The following ANK2 variants were observed in gnomAD, a reference collection of about 807,000 sequenced individuals.
ANK2 encodes the protein ankyrin 2, also known as ankyrin-2.
Under a neutral mutation model 360.5 loss-of-function variants are expected in ANK2, and 83 were observed. That is an observed-to-expected ratio of 0.23 (90% CI 0.19 to 0.28). ANK2 has a LOEUF of 0.28. Ranked by LOEUF, ANK2 falls within the 10% of genes least tolerant of loss-of-function variation. The pLI, the probability that ANK2 is intolerant of heterozygous loss-of-function variation, is 1.00. For missense variants in ANK2, 4,201 were observed against 4,795.7 expected (o/e 0.88, Z 3.66); for synonymous variants, 1,740 against 1,759.5 (o/e 0.99, Z 0.28).
In ANK2 at chr4:113,383,555, GAGA is replaced by G. The variant is rs1242094570; in HGVS notation, c.*2090_*2092del. Reference sequence around the variant, plus strand: ...GTGTTATCAAAAACTTGAATACTGTGAGAAGAAGTGAATTTTCAGTTGACGAAT... The same window carrying G: ...GTGTTATCAAAAACTTGAATACTGTGAGAAGTGAATTTTCAGTTGACGAAT... On this transcript the variant is annotated 3_prime_UTR_variant, in exon 46 of 46. Coordinates refer to ENST00000357077, the MANE Select transcript of ANK2 (RefSeq NM_001148.6). 7 of 152,544 alleles carry G rather than the reference GAGA, an allele frequency of 4.6e-5. No homozygotes were observed. The highest frequency in any genetic ancestry group is 1.0e-4 in the Non-Finnish European group (7 of 68,012). The allele number at this position is 152,544 out of a possible 1,614,324, so 9.4% of individuals were successfully genotyped here.
At chr4:112,810,182 T>TTTG in the ANK2 span, among the ~76,000 whole-genome samples, 11 of 111,788 alleles carry the variant, frequency 9.8e-5, no homozygotes, top group African/African-American at 3.7e-4. Flanking sequence ...TTTTTTTTTT[T>TTTG]GTAGCAATGG....
chr4:112,877,683 TG>T (rs1416740669), intron 1 of ANK2, among the ~76,000 whole-genome samples: 1 of 152,160 alleles, frequency 6.6e-6, no homozygotes, highest in Non-Finnish European at 1.5e-5. Flanking sequence ...TCATGGGGAC[TG>T]GGGCCCTATG....
At chr4:112,909,453 A>AT (rs2086346923) in intron 2 of ANK2, among the ~76,000 whole-genome samples, 1 of 152,194 alleles carries the variant, frequency 6.6e-6, no homozygotes, top group African/African-American at 2.4e-5. Flanking sequence ...TCTAAACTTA[A>AT]TAGATATCTT....
chr4:113,176,065 A>G (rs2098186475), intron 2 of ANK2, among the ~76,000 whole-genome samples: 1 of 152,214 alleles, frequency 6.6e-6, no homozygotes, highest in Non-Finnish European at 1.5e-5. Flanking sequence ...CTAGCTACAA[A>G]GCAGGCCTGT....
At chr4:113,288,545 G>A (rs1451898701) in intron 20 of ANK2, 59 bp downstream of exon 20, 12 of 1,395,340 alleles carry the variant, frequency 8.6e-6, no homozygotes, top group Non-Finnish European at 1.2e-5. Context: ...CCATCTGGAT[G>A]CTTCACTAGT....
the ANK2 span, among the ~76,000 whole-genome samples, chr4:112,800,034 A>G: frequency 6.6e-6 from 1 of 152,156 alleles, no homozygotes; most frequent in Non-Finnish European, 1.5e-5. Flanking sequence ...CTAGGAAGCA[A>G]TATAACACAG....
At chr4:113,318,740 T>A in intron 26 of ANK2, 120 bp downstream of exon 26, 1 of 793,692 alleles carries the variant, frequency 1.3e-6, no homozygotes. Context: ...GCCCTTTGTT[T>A]AAACTTGTAA....
At chr4:113,202,071 T>C (rs2098837468) in intron 4 of ANK2, among the ~76,000 whole-genome samples, 1 of 152,178 alleles carries the variant, frequency 6.6e-6, no homozygotes, top group Admixed American at 6.5e-5. Flanking sequence ...TTTTTCTAAG[T>C]CTTTTGATAA....
intron 1 of ANK2, among the ~76,000 whole-genome samples, chr4:113,120,577 A>G (rs2095283959): frequency 6.6e-6 from 1 of 152,146 alleles, no homozygotes; most frequent in Non-Finnish European, 1.5e-5. Context: ...CTTGAAAGTA[A>G]AACATATATT....
rs539232865 is a variant in ANK2 at position 113,254,598 on chromosome 4, A to T, written c.991-1137A>T. On this transcript the variant is annotated intron_variant, in intron 10 of 45. Transcript: ENST00000357077. ...GCTGTTTTCTAAACTTATTTAATGA[A>T]CTTCTAAACATGAAAGTAATAATTA... is the stretch of plus-strand genomic sequence containing the variant. Among the ~76,000 whole-genome samples the T allele has an allele frequency of 8.5e-5, 13 of 152,332 alleles. No homozygotes were observed. The South Asian group carries it at 2.5e-3, about 29-fold the overall frequency.
intron 22 of ANK2, among the ~76,000 whole-genome samples, chr4:113,296,964 A>G (rs908211964): frequency 6.6e-6 from 1 of 152,218 alleles, no homozygotes; most frequent in African/African-American, 2.4e-5. Context: ...TAAAATAAAA[A>G]TATTATCTTA....
chr4:113,131,166 G>A (rs967218035), intron 1 of ANK2, among the ~76,000 whole-genome samples: 2 of 152,116 alleles, frequency 1.3e-5, no homozygotes, highest in African/African-American at 4.8e-5. Context: ...TCTTTGTAGA[G>A]CTTGAAACTT....
Position 113,382,203 on chromosome 4 carries a change from A to AT in ANK2, c.*733dup, listed in dbSNP as rs1397148906. On this transcript the variant is annotated 3_prime_UTR_variant, in exon 46 of 46. Transcript: ENST00000357077. ...GCAAAAGAAGCACTTCAAACCTATTATGTCCTTAGAACTTCCAGAGTAGCC... is the reference window on the plus strand; with the variant it reads ...GCAAAAGAAGCACTTCAAACCTATTATTGTCCTTAGAACTTCCAGAGTAGCC... 6.2e-6 allele frequency: 1 copy of AT among 161,612 alleles called. No homozygotes were observed. The highest frequency in any genetic ancestry group is 1.4e-5 in the Non-Finnish European group (1 of 72,444). 10.0% of individuals were successfully genotyped at this position (161,612 alleles called of 1,614,324 possible).
intron 39 of ANK2, among the ~76,000 whole-genome samples, chr4:113,363,084 C>T (rs2096316401): frequency 6.6e-6 from 1 of 152,124 alleles, no homozygotes; most frequent in Non-Finnish European, 1.5e-5. Flanking sequence ...TTATACATAT[C>T]TTATCATTGC....
chr4:113,262,785 T>C (rs1460166259), intron 13 of ANK2, among the ~76,000 whole-genome samples: 1 of 150,842 alleles, frequency 6.6e-6, no homozygotes, highest in Admixed American at 6.6e-5. Context: ...TTGCAAATAC[T>C]ACACCATTTT....
At chr4:112,901,589 C>CA (rs1372766304) in intron 1 of ANK2, among the ~76,000 whole-genome samples, 1 of 152,130 alleles carries the variant, frequency 6.6e-6, no homozygotes, top group East Asian at 1.9e-4. Context: ...AAAGCCCAGC[C>CA]ATGGTGGCTC....
chr4:113,316,074 T>C (rs1457160009), intron 24 of ANK2, among the ~76,000 whole-genome samples: 1 of 152,072 alleles, frequency 6.6e-6, no homozygotes, highest in African/African-American at 2.4e-5. Context: ...TAATCCCCTA[T>C]CAAAAGCTAA....
chr4:112,746,525 A>G, the ANK2 span, among the ~76,000 whole-genome samples: 2 of 146,474 alleles, frequency 1.4e-5, no homozygotes, highest in South Asian at 2.2e-4. Context: ...AAAAAAAAAG[A>G]GAAAAAGAAA....
At chr4:113,270,649 T>C (rs1398380539) in intron 14 of ANK2, among the ~76,000 whole-genome samples, 3 of 152,200 alleles carry the variant, frequency 2.0e-5, no homozygotes, top group Admixed American at 2.0e-4. Context: ...GCATTTTCTA[T>C]TGTGAACAAA....
Sources: gnomAD v4.1 joint callset for allele counts (sites outside exome capture counted in the v4.1 genomes callset) on GRCh38, gnomAD v4.1.1 for gene constraint, MANE v1.5 for transcripts, NCBI Gene and HGNC (gene_info 2026-07-23, HGNC 2026-07-21) for gene names.